TCTN1: variants seen among roughly 807,000 people sequenced by gnomAD.
The protein encoded by TCTN1 is tectonic-1.
Under a neutral mutation model 65.8 loss-of-function variants are expected in TCTN1, and 58 were observed. The ratio of observed to expected loss-of-function variants is 0.88; its 90% confidence interval spans 0.71 to 1.10. TCTN1 has a LOEUF of 1.10. Among genes scored for constraint, TCTN1 ranks in the 50% least tolerant of loss-of-function variants. TCTN1 has a pLI of 0.00. For missense variants in TCTN1, 645 were observed against 719.4 expected (o/e 0.90, Z 1.18); for synonymous variants, 273 against 289.1 (o/e 0.94, Z 0.57).
Position 110,614,217 on chromosome 12 carries a change from TGCTCCTGG to T in TCTN1, c.39_46del (p.Cys16LeufsTer63). 1 of 1,583,686 alleles carries T rather than the reference TGCTCCTGG, an allele frequency of 6.3e-7. No individual in the cohort carries two copies. Among genetic ancestry groups the T allele is most frequent in the South Asian group, 1.1e-5 (1 of 86,990 alleles). ...CGAGGTCTCCCGCCGCTCCTGGTGG[TGCTCCTGG>T]GCTGCTGGGCCTCCGTGAGCGCCCA... is the stretch of plus-strand genomic sequence containing the variant. On this transcript the variant is annotated frameshift_variant, in exon 1 of 15. Transcript: ENST00000397659. LOFTEE classifies it high-confidence loss of function.
Position 110,626,380 on chromosome 12 carries a change from T to A in TCTN1, c.360T>A (p.Cys120Ter). 6.3e-7 allele frequency: 1 copy of A among 1,590,856 alleles called. No individual in the cohort carries two copies. Among genetic ancestry groups the A allele is most frequent in the Non-Finnish European group, 8.6e-7 (1 of 1,165,958 alleles). The change falls in exon 3 of 15, where the codon TGT becomes TGA. Residue 120 changes from cysteine to a stop codon, truncating the protein, a stop_gained. Coordinates refer to ENST00000397659, the MANE Select transcript of TCTN1 (RefSeq NM_001082538.3). LOFTEE classifies it high-confidence loss of function. Reference protein sequence around the residue: ...VPVVTGDSQFCSQKAVIYSLN... With the variant: ...VPVVTGDSQF The stretch of plus-strand genomic sequence containing the variant: ...TTTTCAGGGGCGACAGCCAGTTTTG[T>A]AGTCAAAAAGCAGTCATCTATTCAT...
chr12:110,634,284 C>G (rs1016305277), intron 5 of TCTN1: 1 of 410,024 alleles, frequency 2.4e-6, no homozygotes, highest in East Asian at 7.8e-5. Flanking sequence ...CTGGTGGTAG[C>G]TGGGGGGCAG....
intron 13 of TCTN1, 74 bp downstream of exon 13, chr12:110,647,410 G>C: frequency 6.4e-7 from 1 of 1,573,146 alleles, no homozygotes; most frequent in South Asian, 1.1e-5. Flanking sequence ...TAGGTGACAG[G>C]TATTACTTTG....
chr12:110,641,609 G>A lies in TCTN1; in HGVS notation c.1172G>A (p.Gly391Glu), dbSNP rs1368069054. 1 of 1,614,226 alleles carries A rather than the reference G, an allele frequency of 6.2e-7. No individual in the cohort carries two copies. Among genetic ancestry groups the A allele is most frequent in the Non-Finnish European group, 8.5e-7 (1 of 1,180,016 alleles). ...GTCGTGGGGCTCCCATTAGCTGCTG[G>A]ATTCCAGCCTCATAAGGGATATCCT... ...GYVVGLPLAA[G>E]FQPHKGSGII... The change falls in exon 10 of 15, where the codon GGA (glycine) becomes GAA (glutamate). Residue 391 changes from glycine (G) to glutamate (E), a missense_variant. Transcript: ENST00000397659.
chr12:110,621,253 T>C (rs538907573), intron 2 of TCTN1, among the ~76,000 whole-genome samples: 11 of 152,324 alleles, frequency 7.2e-5, no homozygotes, highest in African/African-American at 2.4e-4. Context: ...TTTTAAGAAG[T>C]ACAATGGGTT....
intron 1 of TCTN1, among the ~76,000 whole-genome samples, chr12:110,615,650 ATTT>A (rs1191878434): frequency 6.6e-6 from 1 of 151,450 alleles, no homozygotes; most frequent in Non-Finnish European, 1.5e-5. Context: ...TGCTTTTTTT[ATTT>A]TTTTATTTTT....
At chr12:110,626,244 A>G (rs2135974883) in intron 2 of TCTN1, 118 bp from the exon 3 acceptor site, 12 of 1,194,694 alleles carry the variant, frequency 1.0e-5, no homozygotes, top group African/African-American at 4.6e-5. Flanking sequence ...TTTCATAAAT[A>G]TCCTCCACGT....
In TCTN1 at chr12:110,615,826, C is replaced by T. The variant is rs370389447; in HGVS notation, c.220+1424C>T. On this transcript the variant is annotated intron_variant, in intron 1 of 14. Transcript: ENST00000397659. ...ATCTTTTCTCAAATTGATTAAGGCT[C>T]AGTATTAGTAAGTAAAAAAGTCATC... Among the ~76,000 whole-genome samples the T allele has an allele frequency of 3.9e-4, 59 of 152,170 alleles. 1 individual carries two copies. The highest frequency in any genetic ancestry group is 1.4e-3 in the African/African-American group (57 of 41,514).
Position 110,633,831 on chromosome 12 carries a change from T to C in TCTN1, c.713-839T>C, listed in dbSNP as rs78803410. Among the ~76,000 whole-genome samples the C allele has an allele frequency of 7.1e-3, 1,077 of 152,242 alleles. 1 individual carries two copies. Among genetic ancestry groups the C allele is most frequent in the Non-Finnish European group, 9.4e-3 (639 of 68,014 alleles). ...TTGGTACAACCTTGGTGAAGGGCAA[T>C]TTAGCAATTTGTATCCAGATTAGAA... On this transcript the variant is annotated intron_variant, in intron 5 of 14. Transcript: ENST00000397659.
Position 110,641,084 on chromosome 12 carries a change from GT to G in TCTN1, c.1041del (p.Leu348TrpfsTer7). 1 of 1,614,194 alleles carries G rather than the reference GT, an allele frequency of 6.2e-7. No homozygotes were observed. The highest frequency in any genetic ancestry group is 8.5e-7 in the Non-Finnish European group (1 of 1,180,032). On this transcript the variant is annotated frameshift_variant, in exon 9 of 15. Transcript: ENST00000397659. LOFTEE classifies it high-confidence loss of function. ...GEVTKADLSF[V>X]LGTVSSVVVP... The stretch of plus-strand genomic sequence containing the variant: ...AGTCACCAAAGCTGATCTCTCATTC[GT>G]TCTGGGGACAGTTAGCAGCGTAGTG...
chr12:110,615,845 A>C (rs1297732776), intron 1 of TCTN1, among the ~76,000 whole-genome samples: 1 of 152,226 alleles, frequency 6.6e-6, no homozygotes, highest in Non-Finnish European at 1.5e-5. Flanking sequence ...TAAGTAAAAA[A>C]GTCATCAGCT....
At chr12:110,624,049 C>T (rs1162799617) in intron 2 of TCTN1, among the ~76,000 whole-genome samples, 1 of 151,534 alleles carries the variant, frequency 6.6e-6, no homozygotes, top group African/African-American at 2.4e-5. Flanking sequence ...TTTATTATGA[C>T]TATCTCTATA....
rs918452580 is a variant in TCTN1 at position 110,619,689 on chromosome 12, C to G, written c.221-147C>G. 14 of 1,269,512 alleles carry G rather than the reference C, an allele frequency of 1.1e-5. No homozygotes were observed. The African/African-American group carries it at 2.1e-4, about 19-fold the overall frequency. 78.6% of individuals were successfully genotyped at this position (1,269,512 alleles called of 1,614,324 possible). ...GTGGGATGCTCAAACTGACTCATTT[C>G]CACTTCACAAATTTCCCCCAAAGTG... On this transcript the variant is annotated intron_variant, in intron 1 of 14. Coordinates refer to ENST00000397659, the MANE Select transcript of TCTN1 (RefSeq NM_001082538.3).
At chr12:110,635,695 G>C (rs903229636) in intron 6 of TCTN1, 2 of 152,252 alleles carry the variant, frequency 1.3e-5, no homozygotes, top group African/African-American at 4.8e-5. Flanking sequence ...ATTGTCAAAG[G>C]GGTCCCCTTC....
At chr12:110,615,173 G>A (rs1216235849) in intron 1 of TCTN1, among the ~76,000 whole-genome samples, 4 of 151,966 alleles carry the variant, frequency 2.6e-5, no homozygotes, top group Admixed American at 1.3e-4. Flanking sequence ...CTAGCTACTC[G>A]GGAGGCTGAG....
At chr12:110,624,682 A>G (rs1439608666) in intron 2 of TCTN1, among the ~76,000 whole-genome samples, 2 of 152,000 alleles carry the variant, frequency 1.3e-5, no homozygotes, top group Non-Finnish European at 2.9e-5. Flanking sequence ...GGTTCAAGCA[A>G]TACTCCTGCC....
chr12:110,635,953 C>G (rs1321665565), intron 6 of TCTN1: 3 of 168,922 alleles, frequency 1.8e-5, no homozygotes, highest in African/African-American at 7.2e-5. Context: ...CCAAACAGGT[C>G]TATTTGTCTC....
chr12:110,647,305 C>A lies in TCTN1; in HGVS notation c.1604C>A (p.Thr535Asn). Reference protein sequence around the residue: ...LNPQAKIVNVTANLISSSFPE... With the variant: ...LNPQAKIVNVNANLISSSFPE... Reference sequence around the variant, plus strand: ...CCACAGGCCAAAATAGTCAATGTAACTGCAAATCTAATTTCATCCTCCTTT... The same window carrying A: ...CCACAGGCCAAAATAGTCAATGTAAATGCAAATCTAATTTCATCCTCCTTT... Residue 535 changes from threonine (T) to asparagine (N), a missense_variant, in exon 13 of 15, where the codon ACT (threonine) becomes AAT (asparagine). Thr to Asn is a moderately conservative substitution (Grantham distance 65, BLOSUM62 0). Transcript: ENST00000397659. The A allele has an allele frequency of 6.2e-7, 1 of 1,614,190 alleles. No individual in the cohort carries two copies. Among genetic ancestry groups the A allele is most frequent in the Non-Finnish European group, 8.5e-7 (1 of 1,180,038 alleles).
intron 1 of TCTN1, among the ~76,000 whole-genome samples, chr12:110,618,991 T>C (rs2065238147): frequency 6.8e-6 from 1 of 147,688 alleles, no homozygotes; most frequent in Non-Finnish European, 1.5e-5. Context: ...GCCAACATGG[T>C]GAAACCCCGT....
Sources: allele counts gnomAD v4.1 joint callset (sites outside exome capture counted in the v4.1 genomes callset), GRCh38; gene constraint gnomAD v4.1.1; transcripts MANE v1.5; gene names NCBI Gene and HGNC (gene_info 2026-07-23, HGNC 2026-07-21).